Variants in CSMD1 observed in about 807,000 individuals in gnomAD.
The protein encoded by CSMD1 is CUB and Sushi multiple domains 1, also known as CUB and sushi domain-containing protein 1.
In CSMD1, 213 loss-of-function variants were observed where a neutral mutation model predicts 417.5. The ratio of observed to expected loss-of-function variants is 0.51; its 90% confidence interval spans 0.46 to 0.57. The LOEUF is 0.57. Among genes scored for constraint, CSMD1 ranks in the 20% least tolerant of loss-of-function variants. The pLI is 0.00. For synonymous variants in CSMD1, 2,862 were observed against 1,736.8 expected (o/e 1.65, Z -16.11); for missense variants, 6,923 against 4,529.7 (o/e 1.53, Z -15.17).
At position 3,883,789 on chromosome 8, in the gene CSMD1, T is replaced by C. The variant is rs1160137550; in HGVS notation, c.818+114114A>G. ...CCACAGGGAAAAAGCAGCTTTTAAA[T>C]CTACTTAAACAATCCCATTAACAAC... On this transcript the variant is annotated intron_variant, in intron 5 of 69. Coordinates refer to ENST00000635120, the MANE Select transcript of CSMD1 (RefSeq NM_033225.6). Among the ~76,000 whole-genome samples, 7 of 152,082 alleles carry C rather than the reference T, an allele frequency of 4.6e-5. No individual in the cohort carries two copies. In the East Asian group the frequency reaches 1.3e-3, roughly 29 times the overall value.
rs557333441 is a variant in CSMD1 at position 4,437,727 on chromosome 8, T to C, written c.303-17662A>G. The stretch of plus-strand genomic sequence containing the variant: ...AGATTCTACTATCTTATATACTTGC[T>C]TAGGCTGCCAATGAGTTCCATGTTT... On this transcript the variant is annotated intron_variant, in intron 2 of 69. Coordinates refer to ENST00000635120, the MANE Select transcript of CSMD1 (RefSeq NM_033225.6). Among the ~76,000 whole-genome samples, 3 of 152,310 alleles carry C rather than the reference T, an allele frequency of 2.0e-5. No homozygotes were observed. The South Asian group carries it at 6.2e-4, about 32-fold the overall frequency.
At chr8:3,177,985 G>A (rs548919799) in intron 37 of CSMD1, among the ~76,000 whole-genome samples, 4 of 152,294 alleles carry the variant, frequency 2.6e-5, no homozygotes, top group East Asian at 1.9e-4. Context: ...GTTAAATAAC[G>A]TGAACGAAGA....
intron 5 of CSMD1, among the ~76,000 whole-genome samples, chr8:3,770,041 G>A (rs192073174): frequency 1.3e-5 from 2 of 152,122 alleles, no homozygotes; most frequent in South Asian, 2.1e-4. Flanking sequence ...TACCTTTGCT[G>A]TGATTCCTGA....
At chr8:3,512,277 G>C (rs896835596) in intron 10 of CSMD1, among the ~76,000 whole-genome samples, 2 of 152,230 alleles carry the variant, frequency 1.3e-5, no homozygotes, top group Admixed American at 1.3e-4. Flanking sequence ...TGGACTGGAA[G>C]CATTCTTGAA....
At chr8:4,711,999 G>T (rs957256538) in intron 1 of CSMD1, among the ~76,000 whole-genome samples, 5 of 152,150 alleles carry the variant, frequency 3.3e-5, no homozygotes, top group Admixed American at 2.6e-4. Context: ...GAAATATGTG[G>T]CTTCCTAAGA....
At chr8:3,493,767 A>C in intron 10 of CSMD1, 41 bp from the exon 11 acceptor site, 2 of 1,511,750 alleles carry the variant, frequency 1.3e-6, no homozygotes, top group African/African-American at 2.8e-5. Context: ...AACAACAGGT[A>C]CTTCCCATGA....
intron 12 of CSMD1, among the ~76,000 whole-genome samples, chr8:3,456,375 C>T (rs6997821): frequency 0.77 from 116,492 of 151,886 alleles, 45,010 homozygotes; most frequent in African/African-American, 0.87. Context: ...AAATCACCCA[C>T]CTTCTGCATC....
intron 2 of CSMD1, among the ~76,000 whole-genome samples, chr8:4,583,156 C>T (rs902144872): frequency 1.3e-5 from 2 of 152,184 alleles, no homozygotes; most frequent in African/African-American, 4.8e-5. Flanking sequence ...CCAACGAGCA[C>T]CATCCTCTGC....
intron 23 of CSMD1, among the ~76,000 whole-genome samples, chr8:3,342,916 T>C (rs1225445847): frequency 6.7e-6 from 1 of 148,500 alleles, no homozygotes; most frequent in African/African-American, 2.5e-5. Context: ...TGTGTGTGTG[T>C]CATTCAAAGT....
chr8:3,165,262 C>G (rs760304817), intron 37 of CSMD1, among the ~76,000 whole-genome samples: 33 of 152,106 alleles, frequency 2.2e-4, no homozygotes, highest in South Asian at 1.9e-3. Context: ...AAACCTGCTA[C>G]TATATTAAAA....
chr8:3,710,789 G>A (rs953225518), intron 6 of CSMD1, among the ~76,000 whole-genome samples: 1 of 152,130 alleles, frequency 6.6e-6, no homozygotes, highest in Non-Finnish European at 1.5e-5. Context: ...CTCATATCAG[G>A]AAGCAAGGCT....
rs77199596 is a variant in CSMD1, at chr8:3,762,537, G to T, written c.819-8495C>A. Among the ~76,000 whole-genome samples, 782 of 152,362 alleles carry T rather than the reference G, an allele frequency of 5.1e-3. 2 individuals carry two copies. The highest frequency in any genetic ancestry group is 8.8e-3 in the Non-Finnish European group (597 of 68,040). On this transcript the variant is annotated intron_variant, in intron 5 of 69. Coordinates refer to ENST00000635120, the MANE Select transcript of CSMD1 (RefSeq NM_033225.6). The stretch of plus-strand genomic sequence containing the variant: ...GTTTATATCCTCTGTGACTCAGCGA[G>T]TCTGTAGCACAGGCGTGTAACTCCA...
At chr8:4,238,686 C>G (rs1193885601) in intron 3 of CSMD1, among the ~76,000 whole-genome samples, 2 of 152,160 alleles carry the variant, frequency 1.3e-5, no homozygotes, top group Admixed American at 6.5e-5. Flanking sequence ...ATCCTTGGCC[C>G]TCAATACCTG....
chr8:3,649,201 C>A (rs1797723858), intron 7 of CSMD1, among the ~76,000 whole-genome samples: 1 of 152,128 alleles, frequency 6.6e-6, no homozygotes, highest in African/African-American at 2.4e-5. Context: ...TGTACTGATA[C>A]CATAAGTCTT....
intron 26 of CSMD1, among the ~76,000 whole-genome samples, chr8:3,248,909 T>C (rs750618229): frequency 1.3e-5 from 2 of 152,124 alleles, no homozygotes; most frequent in Admixed American, 6.6e-5. Flanking sequence ...AAATGCTGTT[T>C]AGAGGCTCCC....
chr8:2,993,214 A>C (rs1229552255), intron 54 of CSMD1, among the ~76,000 whole-genome samples: 2 of 152,210 alleles, frequency 1.3e-5, no homozygotes, highest in African/African-American at 2.4e-5. Flanking sequence ...ACAATGTATA[A>C]AGGCCACTTC....
chr8:3,803,820 C>T (rs1405790091), intron 5 of CSMD1, among the ~76,000 whole-genome samples: 1 of 152,188 alleles, frequency 6.6e-6, no homozygotes, highest in Non-Finnish European at 1.5e-5. Flanking sequence ...GAATGGACCA[C>T]TGTAGACACC....
At position 3,220,596 on chromosome 8, in the gene CSMD1, G is replaced by T. The variant is rs143452726; in HGVS notation, c.4485-1154C>A. On this transcript the variant is annotated intron_variant, in intron 28 of 69. Transcript: ENST00000635120. Reference sequence around the variant, plus strand: ...GCCTGTAATCCCAGCACTTTGGGAGGCTGAGGCAGGCAGATCACGAGGTCA... The same window carrying T: ...GCCTGTAATCCCAGCACTTTGGGAGTCTGAGGCAGGCAGATCACGAGGTCA... 2.5e-3 allele frequency among the ~76,000 whole-genome samples: 385 copies of T among 152,314 alleles called. 2 individuals carry two copies. The highest frequency in any genetic ancestry group is 8.8e-3 in the African/African-American group (364 of 41,576).
intron 49 of CSMD1, among the ~76,000 whole-genome samples, chr8:3,070,694 G>C (rs972875567): frequency 1.3e-5 from 2 of 152,162 alleles, no homozygotes; most frequent in African/African-American, 4.8e-5. Context: ...TATTTACCCA[G>C]TCTCTAAGAA....
Sources: allele counts gnomAD v4.1 joint callset (sites outside exome capture counted in the v4.1 genomes callset), GRCh38; gene constraint gnomAD v4.1.1; transcripts MANE v1.5; gene names NCBI Gene and HGNC (gene_info 2026-07-23, HGNC 2026-07-21).